Variants in NTM observed in about 807,000 individuals in gnomAD.
NTM encodes neurotrimin.
Under a neutral mutation model 42.1 loss-of-function variants are expected in NTM, and 13 were observed. The ratio of observed to expected loss-of-function variants is 0.31; its 90% confidence interval spans 0.20 to 0.49. The LOEUF is 0.49. Among genes scored for constraint, NTM ranks in the 20% least tolerant of loss-of-function variants. NTM has a pLI of 0.99. For missense variants in NTM, 373 were observed against 452.8 expected (o/e 0.82, Z 1.60); for synonymous variants, 187 against 179.2 (o/e 1.04, Z -0.35).
chr11:131,634,691 A>T (rs937074137), intron 1 of NTM, among the ~76,000 whole-genome samples: 1 of 151,740 alleles, frequency 6.6e-6, no homozygotes, highest in African/African-American at 2.4e-5. Context: ...TTTAGTTTGA[A>T]TTCTTGCTCC....
In NTM at chr11:131,745,744, G is replaced by A. The variant is rs79565472; in HGVS notation, c.83-165820G>A. ...GGTGAGAAAAAAAAATGAGACAAAT[G>A]AGACATCTATTTTATTATAAAGCAT... On this transcript the variant is annotated intron_variant, in intron 1 of 8. Coordinates refer to ENST00000683400, the MANE Select transcript of NTM (RefSeq NM_001352005.2). Among the ~76,000 whole-genome samples, 674 of 152,226 alleles carry A rather than the reference G, an allele frequency of 4.4e-3. 10 individuals are homozygous for A. Among genetic ancestry groups the A allele is most frequent in the African/African-American group, 0.015 (632 of 41,548 alleles).
At chr11:131,765,426 A>G (rs1242861368) in intron 1 of NTM, among the ~76,000 whole-genome samples, 1 of 152,150 alleles carries the variant, frequency 6.6e-6, no homozygotes, top group Non-Finnish European at 1.5e-5. Flanking sequence ...CTTTGCACTC[A>G]GTTTCCTCTT....
chr11:132,304,953 T>C (rs2095023823), intron 4 of NTM, among the ~76,000 whole-genome samples: 1 of 152,124 alleles, frequency 6.6e-6, no homozygotes, highest in Non-Finnish European at 1.5e-5. Flanking sequence ...TTTGGATCAG[T>C]AGAGACCATA....
chr11:131,514,850 C>T (rs537959236), intron 1 of NTM, among the ~76,000 whole-genome samples: 1 of 152,176 alleles, frequency 6.6e-6, no homozygotes, highest in South Asian at 2.1e-4. Flanking sequence ...CCTTGGCTTC[C>T]CAAGATGCTG....
chr11:132,191,181 C>T (rs1253291922), intron 3 of NTM, among the ~76,000 whole-genome samples: 2 of 152,134 alleles, frequency 1.3e-5, no homozygotes, highest in African/African-American at 4.8e-5. Flanking sequence ...GGCCACCACC[C>T]AACGAAGTGC....
At chr11:131,886,753 C>G (rs146956780) in intron 1 of NTM, among the ~76,000 whole-genome samples, 1 of 152,280 alleles carries the variant, frequency 6.6e-6, no homozygotes, top group African/African-American at 2.4e-5. Flanking sequence ...ATGACAGAGC[C>G]AAGCTTTGCT....
At chr11:131,885,540 G>A (rs970800880) in intron 1 of NTM, among the ~76,000 whole-genome samples, 1 of 152,186 alleles carries the variant, frequency 6.6e-6, no homozygotes, top group African/African-American at 2.4e-5. Flanking sequence ...CTCTTCCTCA[G>A]GGGCTGAGCA....
At chr11:131,657,648 A>G (rs1232390471) in intron 1 of NTM, among the ~76,000 whole-genome samples, 2 of 152,240 alleles carry the variant, frequency 1.3e-5, no homozygotes, top group Admixed American at 1.3e-4. Context: ...TTGCCAGGAT[A>G]TAAGAAGGCA....
chr11:131,776,654 CAACA>C (rs1387960488), intron 1 of NTM, among the ~76,000 whole-genome samples: 3 of 152,186 alleles, frequency 2.0e-5, no homozygotes, highest in Admixed American at 6.5e-5. Flanking sequence ...TTAGCTGCTG[CAACA>C]AACAAATTCC....
intron 2 of NTM, among the ~76,000 whole-genome samples, chr11:132,109,603 G>T (rs560113597): frequency 3.9e-5 from 6 of 152,040 alleles, no homozygotes; most frequent in Non-Finnish European, 7.4e-5. Context: ...TTATCAAGGT[G>T]TCAAGACCTA....
At chr11:132,328,987 C>CAGAG (rs2095744411) in intron 7 of NTM, among the ~76,000 whole-genome samples, 1 of 152,150 alleles carries the variant, frequency 6.6e-6, no homozygotes, top group African/African-American at 2.4e-5. Context: ...AAACCCTTTC[C>CAGAG]CTCTTTGTAC....
chr11:132,290,371 G>A (rs1013733700), intron 4 of NTM, among the ~76,000 whole-genome samples: 1 of 152,034 alleles, frequency 6.6e-6, no homozygotes, highest in African/African-American at 2.4e-5. Context: ...ATTGGGAGCC[G>A]GGAGTAATAG....
chr11:131,659,133 CTGA>C (rs1292426877), intron 1 of NTM, among the ~76,000 whole-genome samples: 3 of 152,224 alleles, frequency 2.0e-5, no homozygotes, highest in Non-Finnish European at 4.4e-5. Context: ...ACTGCTGCCT[CTGA>C]TGTCTCATTG....
intron 2 of NTM, among the ~76,000 whole-genome samples, chr11:132,040,317 C>G (rs143605399): frequency 6.6e-6 from 1 of 151,822 alleles, no homozygotes. Context: ...GGAAATGGGC[C>G]CTAGCAAGAA....
intron 1 of NTM, among the ~76,000 whole-genome samples, chr11:131,455,674 A>T (rs911204337): frequency 2.4e-4 from 36 of 152,172 alleles, no homozygotes; most frequent in African/African-American, 8.4e-4. Context: ...ATTGTATTAT[A>T]CGAGGGGTCT....
chr11:132,138,934 G>A (rs1301315576), intron 2 of NTM, among the ~76,000 whole-genome samples: 1 of 152,188 alleles, frequency 6.6e-6, no homozygotes, highest in Non-Finnish European at 1.5e-5. Flanking sequence ...CCATAGTTCA[G>A]TCAAATTGAC....
intron 1 of NTM, among the ~76,000 whole-genome samples, chr11:131,901,500 A>C (rs991172852): frequency 6.6e-6 from 1 of 152,198 alleles, no homozygotes; most frequent in Non-Finnish European, 1.5e-5. Context: ...AGAGTTCTCT[A>C]TGAATTCCCT....
intron 1 of NTM, among the ~76,000 whole-genome samples, chr11:131,705,004 C>T (rs1052568121): frequency 2.0e-5 from 3 of 152,094 alleles, no homozygotes; most frequent in African/African-American, 7.2e-5. Context: ...AACCAATATA[C>T]ACATTATAGG....
At chr11:132,081,423 C>A (rs1350926759) in intron 2 of NTM, among the ~76,000 whole-genome samples, 1 of 152,064 alleles carries the variant, frequency 6.6e-6, no homozygotes. Flanking sequence ...AGAGGATGGA[C>A]AATACATCTT....
Sources: gnomAD v4.1 joint callset for allele counts (sites outside exome capture counted in the v4.1 genomes callset) on GRCh38, gnomAD v4.1.1 for gene constraint, MANE v1.5 for transcripts, NCBI Gene and HGNC (gene_info 2026-07-23, HGNC 2026-07-21) for gene names.